The following FGD5 variants were observed in gnomAD, a reference collection of about 807,000 sequenced individuals.
FGD5 encodes FYVE, RhoGEF and PH domain containing 5, also known as FYVE, RhoGEF and PH domain-containing protein 5.
Under a neutral mutation model 133.4 loss-of-function variants are expected in FGD5, and 28 were observed. The ratio of observed to expected loss-of-function variants is 0.21; its 90% CI spans 0.16 to 0.29. FGD5 has a LOEUF of 0.29. FGD5 is among the 10% of genes least tolerant of loss of function. The probability of loss-of-function intolerance (pLI) is 1.00; values close to 1 mark genes in which losing one functional copy is unlikely to be tolerated. For synonymous variants in FGD5, 810 were observed against 776.5 expected (o/e 1.04, Z -0.72); for missense variants, 1,858 against 1,895.2 (o/e 0.98, Z 0.36).
At chr3:14,835,691 TGAA>T (rs1188449680) in intron 1 of FGD5, among the ~76,000 whole-genome samples, 4 of 152,052 alleles carry the variant, frequency 2.6e-5, no homozygotes, top group African/African-American at 9.7e-5. Context: ...AGCAAAGACT[TGAA>T]GAAGAACAGG....
At position 14,872,176 on chromosome 3, in the gene FGD5, A is replaced by C. The variant is rs957325466; in HGVS notation, c.2658+7916A>C. Among the ~76,000 whole-genome samples, 4 of 152,366 alleles carry C rather than the reference A, an allele frequency of 2.6e-5. No homozygotes were observed. In the South Asian group the frequency reaches 8.3e-4, roughly 32 times the overall value. On this transcript the variant is annotated intron_variant, in intron 2 of 19. Transcript: ENST00000285046. ...ATGGGGTCCCAACTTTGGGGAACTT[A>C]ACAGTTGAGTTGGAGAATGAAAAAG...
chr3:14,892,723 A>G (rs1326918676), intron 4 of FGD5, among the ~76,000 whole-genome samples: 2 of 152,058 alleles, frequency 1.3e-5, no homozygotes, highest in Non-Finnish European at 2.9e-5. Context: ...GAAGGCTGAG[A>G]CAGGAGAATC....
At chr3:14,811,928 C>T (rs964255898) in intron 1 of FGD5, among the ~76,000 whole-genome samples, 1 of 152,042 alleles carries the variant, frequency 6.6e-6, no homozygotes, top group Non-Finnish European at 1.5e-5. Context: ...TTGTCCAAAG[C>T]CATACTCCAA....
intron 4 of FGD5, 114 bp downstream of exon 4, chr3:14,880,886 A>AGCAG (rs1371157124): frequency 7.4e-7 from 1 of 1,355,042 alleles, no homozygotes; most frequent in African/African-American, 1.4e-5. Flanking sequence ...GAGGCCTGGC[A>AGCAG]GCAGGCAGGC....
intron 1 of FGD5, among the ~76,000 whole-genome samples, chr3:14,860,357 C>T (rs2037374441): frequency 6.6e-6 from 1 of 152,226 alleles, no homozygotes; most frequent in Non-Finnish European, 1.5e-5. Context: ...GGAACCAGCA[C>T]ATTTCTAATG....
Position 14,819,686 on chromosome 3 carries a change from G to T in FGD5, c.615G>T (p.Glu205Asp). 1.3e-6 allele frequency: 2 copies of T among 1,541,600 alleles called. No individual in the cohort carries two copies. The highest frequency in any genetic ancestry group is 1.8e-6 in the Non-Finnish European group (2 of 1,141,636). The change falls in exon 1 of 20, where the codon GAG (glutamate) becomes GAT (aspartate). Residue 205 changes from glutamate (E) to aspartate (D), a missense_variant. Coordinates refer to ENST00000285046, the MANE Select transcript of FGD5 (RefSeq NM_152536.4). The surrounding 1 kb of genome is among the most constrained non-coding windows in gnomAD (Gnocchi z 4.1). Reference sequence around the variant, plus strand: ...CTCACATCCATGGAGAGGACCAGGAGCCCCCCGACACCCCCGGGGAGGCAG... The same window carrying T: ...CTCACATCCATGGAGAGGACCAGGATCCCCCCGACACCCCCGGGGAGGCAG... ...LLPHIHGEDQ[E>D]PPDTPGEAEE...
At chr3:14,894,957 A>G (rs2038104936) in intron 4 of FGD5, among the ~76,000 whole-genome samples, 1 of 152,134 alleles carries the variant, frequency 6.6e-6, no homozygotes. Flanking sequence ...TCTGATGATT[A>G]TGATGTTGAG....
At chr3:14,862,954 T>A (rs1203795341) in intron 1 of FGD5, among the ~76,000 whole-genome samples, 2 of 152,140 alleles carry the variant, frequency 1.3e-5, no homozygotes, top group South Asian at 4.1e-4. Context: ...CTGGCTCCTA[T>A]GAAAGATACT....
At chr3:14,882,129 A>G (rs915949994) in intron 4 of FGD5, among the ~76,000 whole-genome samples, 3 of 152,078 alleles carry the variant, frequency 2.0e-5, no homozygotes, top group South Asian at 4.1e-4. Flanking sequence ...TATGAAATGT[A>G]CCAGCCCCCA....
chr3:14,899,950 C>A (rs2038206025), intron 7 of FGD5, among the ~76,000 whole-genome samples: 1 of 152,160 alleles, frequency 6.6e-6, no homozygotes, highest in Admixed American at 6.5e-5. Flanking sequence ...CCAAGCTTGG[C>A]ACATTCAAGA....
intron 19 of FGD5, 102 bp downstream of exon 19, chr3:14,932,833 C>T: frequency 4.4e-6 from 6 of 1,352,106 alleles, no homozygotes; most frequent in Non-Finnish European, 6.1e-6. Context: ...TCATCCTATC[C>T]CATTAGGTCC....
At chr3:14,896,893 C>T (rs2038150029) in intron 4 of FGD5, 1 of 152,198 alleles carries the variant, frequency 6.6e-6, no homozygotes, top group Non-Finnish European at 1.5e-5. Context: ...ACTCGTGACC[C>T]AGCCACTCTG....
chr3:14,845,608 G>A (rs995059850), intron 1 of FGD5, among the ~76,000 whole-genome samples: 2 of 152,196 alleles, frequency 1.3e-5, no homozygotes, highest in African/African-American at 4.8e-5. Context: ...CTGAGGCTGG[G>A]ATGTGGGAGA....
In FGD5 at chr3:14,820,929, G is replaced by A. The variant is rs774790486; in HGVS notation, c.1858G>A (p.Asp620Asn). 1.4e-5 allele frequency: 23 copies of A among 1,613,508 alleles called. No individual in the cohort carries two copies. The highest frequency in any genetic ancestry group is 5.0e-5 in the Admixed American group (3 of 59,968). The change falls in exon 1 of 20, where the codon GAC (aspartate) becomes AAC (asparagine). Residue 620 changes from aspartate (D) to asparagine (N), a missense_variant. By Grantham distance (23) the Asp-to-Asn change is conservative (BLOSUM62 1). Around this residue, in one of 3 missense-constraint regions of FGD5, gnomAD observed 1,824 missense variants for 1,848.9 expected, o/e 0.99. Coordinates refer to ENST00000285046, the MANE Select transcript of FGD5 (RefSeq NM_152536.4). Reference protein sequence around the residue: ...SSMVDIPPPFDLACITKKPIT... With the variant: ...SSMVDIPPPFNLACITKKPIT... ...CATGGTCGACATCCCACCTCCTTTC[G>A]ACCTGGCCTGCATCACCAAGAAGCC... is the stretch of plus-strand genomic sequence containing the variant.
intron 12 of FGD5, 69 bp from the exon 13 acceptor site, chr3:14,918,685 C>A: frequency 6.7e-7 from 1 of 1,495,462 alleles, no homozygotes; most frequent in Non-Finnish European, 9.3e-7. Flanking sequence ...TCATCTGCTG[C>A]CAGGAGAAGC....
chr3:14,880,529 C>G, intron 2 of FGD5, 43 bp from the exon 3 acceptor site: 1 of 1,601,258 alleles, frequency 6.2e-7, no homozygotes, highest in Non-Finnish European at 8.5e-7. Flanking sequence ...CTCTAGAAAC[C>G]ACTGATGCCT....
chr3:14,846,155 G>A lies in FGD5; in HGVS notation c.2526-17973G>A, dbSNP rs141747239. Among the ~76,000 whole-genome samples the A allele has an allele frequency of 5.8e-3, 877 of 152,280 alleles. 9 individuals carry two copies. Among genetic ancestry groups the A allele is most frequent in the African/African-American group, 0.02 (838 of 41,544 alleles). On this transcript the variant is annotated intron_variant, in intron 1 of 19. Coordinates refer to ENST00000285046, the MANE Select transcript of FGD5 (RefSeq NM_152536.4). ...CACACCTGTCGTGTTAATTGAACCC[G>A]TGTGGCTGGTGCAATCTTCACATGG...
chr3:14,881,333 G>A (rs1421153270), intron 4 of FGD5, among the ~76,000 whole-genome samples: 2 of 152,058 alleles, frequency 1.3e-5, no homozygotes, highest in Non-Finnish European at 2.9e-5. Context: ...AGGACAGCTT[G>A]CAGAGTGTCC....
intron 1 of FGD5, among the ~76,000 whole-genome samples, chr3:14,835,325 C>T (rs1406336739): frequency 2.6e-5 from 4 of 152,084 alleles, no homozygotes; most frequent in Admixed American, 6.6e-5. Context: ...TGGTGATGCC[C>T]CATCTCTGCT....
Sources: allele counts gnomAD v4.1 joint callset (sites outside exome capture counted in the v4.1 genomes callset), GRCh38; gene constraint gnomAD v4.1.1; regional missense constraint gnomAD v4.1.1; non-coding constraint Gnocchi (gnomAD v3.1); transcripts MANE v1.5; gene names NCBI Gene and HGNC (gene_info 2026-07-23, HGNC 2026-07-21).